GPC5: variants seen among roughly 807,000 people sequenced by gnomAD.
The protein encoded by GPC5 is glypican-5.
In GPC5, 47 loss-of-function variants were observed where a neutral mutation model predicts 53.9. The ratio of observed to expected loss-of-function variants is 0.87; its 90% CI spans 0.69 to 1.11. GPC5 has a LOEUF of 1.11. GPC5 is among the 50% of genes most tolerant of loss of function. GPC5 has a pLI of 0.00. For synonymous variants in GPC5, 286 were observed against 263.3 expected (o/e 1.09, Z -0.84); for missense variants, 748 against 713.1 (o/e 1.05, Z -0.56).
chr13:92,535,491 G>A (rs899890238), intron 7 of GPC5, among the ~76,000 whole-genome samples: 1 of 152,016 alleles, frequency 6.6e-6, no homozygotes, highest in Admixed American at 6.6e-5. Flanking sequence ...AACTAAGGGG[G>A]GGTCCAGAAG....
At chr13:91,568,905 C>G (rs1008223648) in intron 2 of GPC5, among the ~76,000 whole-genome samples, 1 of 151,948 alleles carries the variant, frequency 6.6e-6, no homozygotes, top group Non-Finnish European at 1.5e-5. Context: ...TCTGCCATCA[C>G]ACCCAACTAA....
intron 5 of GPC5, among the ~76,000 whole-genome samples, chr13:91,802,572 C>T (rs2038153477): frequency 6.6e-6 from 1 of 152,146 alleles, no homozygotes; most frequent in Admixed American, 6.6e-5. Flanking sequence ...CCACCCATGT[C>T]CTGCTGATTG....
intron 7 of GPC5, among the ~76,000 whole-genome samples, chr13:92,515,365 C>T (rs1880731634): frequency 6.6e-6 from 1 of 152,104 alleles, no homozygotes; most frequent in Admixed American, 6.5e-5. Flanking sequence ...ACCTGGAAGA[C>T]TGAAGATGGT....
chr13:92,100,982 T>C (rs1449522661), intron 6 of GPC5, among the ~76,000 whole-genome samples: 2 of 152,156 alleles, frequency 1.3e-5, no homozygotes, highest in African/African-American at 4.8e-5. Flanking sequence ...TAATATCTCT[T>C]GAAATATATC....
chr13:91,448,829 C>G lies in GPC5; in HGVS notation c.232C>G (p.Gln78Glu). The G allele has an allele frequency of 1.2e-6, 2 of 1,613,776 alleles. No individual in the cohort carries two copies. The highest frequency in any genetic ancestry group is 8.5e-7 in the Non-Finnish European group (1 of 1,179,768). Residue 78 changes from glutamine to glutamate, a missense_variant, in exon 2 of 8, where the codon CAG becomes GAG. Transcript: ENST00000377067. ...CACCAGGAAGATGGAGGAGAGATATCAGATTGCGGCTCGCCAGGATATGCA... is the reference window on the plus strand; with the variant it reads ...CACCAGGAAGATGGAGGAGAGATATGAGATTGCGGCTCGCCAGGATATGCA... ...CCTRKMEERY[Q>E]IAARQDMQQF...
chr13:92,210,585 A>C (rs1051911434), intron 7 of GPC5, among the ~76,000 whole-genome samples: 2 of 152,216 alleles, frequency 1.3e-5, no homozygotes, highest in Admixed American at 1.3e-4. Context: ...AATTTATAAC[A>C]GTGGTCCATA....
At chr13:91,819,004 A>T (rs2038445313) in intron 5 of GPC5, among the ~76,000 whole-genome samples, 1 of 152,088 alleles carries the variant, frequency 6.6e-6, no homozygotes, top group African/African-American at 2.4e-5. Context: ...TCATGTAAAC[A>T]ACATCAAGTT....
chr13:91,693,655 C>T lies in GPC5; in HGVS notation c.794C>T (p.Ala265Val), dbSNP rs150834424. ...TACTGCCCGCACTGCCAAGGCCTGGCGCTCACTAAGCCTTGTATGGGATAC... is the reference window on the plus strand; with the variant it reads ...TACTGCCCGCACTGCCAAGGCCTGGTGCTCACTAAGCCTTGTATGGGATAC... ...MQYCPHCQGL[A>V]LTKPCMGYCL... The change falls in exon 3 of 8, where the codon GCG (alanine) becomes GTG (valine). Residue 265 changes from alanine to valine, a missense_variant. Transcript: ENST00000377067. The T allele has an allele frequency of 1.4e-4, 220 of 1,614,102 alleles. 2 individuals carry two copies. In the African/African-American group the frequency reaches 1.7e-3, roughly 12 times the overall value.
chr13:92,263,505 C>T (rs1173488927), intron 7 of GPC5, among the ~76,000 whole-genome samples: 2 of 152,088 alleles, frequency 1.3e-5, no homozygotes, highest in Non-Finnish European at 1.5e-5. Context: ...ATTCTGCTCT[C>T]TAAGGATAAT....
chr13:92,827,691 C>G (rs779910511), intron 7 of GPC5, among the ~76,000 whole-genome samples: 10 of 152,080 alleles, frequency 6.6e-5, no homozygotes, highest in African/African-American at 9.7e-5. Context: ...TTCCAAAGTG[C>G]CTTCGGTTCC....
intron 5 of GPC5, among the ~76,000 whole-genome samples, chr13:91,761,127 T>C (rs981577050): frequency 1.3e-5 from 2 of 152,282 alleles, no homozygotes; most frequent in East Asian, 3.9e-4. Context: ...CTTTTCTTTC[T>C]GGGCATTGAA....
At chr13:92,759,400 T>C (rs1875066607) in intron 7 of GPC5, among the ~76,000 whole-genome samples, 1 of 152,078 alleles carries the variant, frequency 6.6e-6, no homozygotes, top group South Asian at 2.1e-4. Flanking sequence ...TAATTTGTGT[T>C]CCCTTTTTTT....
intron 7 of GPC5, among the ~76,000 whole-genome samples, chr13:92,719,699 A>G (rs1411962948): frequency 6.6e-6 from 1 of 152,154 alleles, no homozygotes; most frequent in Non-Finnish European, 1.5e-5. Flanking sequence ...GTGATAAAGA[A>G]GCAGTTTTGG....
chr13:92,349,217 C>T (rs2043454005), intron 7 of GPC5, among the ~76,000 whole-genome samples: 1 of 152,252 alleles, frequency 6.6e-6, no homozygotes, highest in South Asian at 2.1e-4. Flanking sequence ...GATCTCGGCT[C>T]ACTGCAACCT....
intron 2 of GPC5, among the ~76,000 whole-genome samples, chr13:91,652,792 A>T (rs1298166916): frequency 6.6e-6 from 1 of 152,178 alleles, no homozygotes; most frequent in Non-Finnish European, 1.5e-5. Context: ...ACTTAAAGGG[A>T]ATTTCTACAG....
Position 92,303,170 on chromosome 13 carries a change from A to G in GPC5, c.1561+158181A>G, listed in dbSNP as rs147595439. On this transcript the variant is annotated intron_variant, in intron 7 of 7. Transcript: ENST00000377067. ...AGGTCTTGGGAGAGGGATGGGATAG[A>G]ACAAGTGAGTTTGAAGTTGCAGGTA... Among the ~76,000 whole-genome samples, 419 of 152,162 alleles carry G rather than the reference A, an allele frequency of 2.8e-3. 1 individual carries two copies. Among genetic ancestry groups the G allele is most frequent in the African/African-American group, 9.7e-3 (401 of 41,518 alleles).
intron 6 of GPC5, among the ~76,000 whole-genome samples, chr13:92,109,864 A>G (rs1187014991): frequency 6.6e-6 from 1 of 152,192 alleles, no homozygotes; most frequent in Non-Finnish European, 1.5e-5. Context: ...AAGATAGTGT[A>G]TGTGGCTTAT....
intron 7 of GPC5, among the ~76,000 whole-genome samples, chr13:92,551,996 T>G (rs1317858387): frequency 6.6e-6 from 1 of 151,932 alleles, no homozygotes; most frequent in Non-Finnish European, 1.5e-5. Flanking sequence ...AGTCAGCACT[T>G]CTCTGAGATG....
At chr13:92,410,217 A>G (rs1875982422) in intron 7 of GPC5, among the ~76,000 whole-genome samples, 1 of 152,206 alleles carries the variant, frequency 6.6e-6, no homozygotes, top group African/African-American at 2.4e-5. Context: ...ACCTGAATAT[A>G]CTAATTTTCA....
Sources: allele counts gnomAD v4.1 joint callset (sites outside exome capture counted in the v4.1 genomes callset), GRCh38; gene constraint gnomAD v4.1.1; transcripts MANE v1.5; gene names NCBI Gene and HGNC (gene_info 2026-07-23, HGNC 2026-07-21).